The following GCN1 variants were observed in gnomAD, a reference collection of about 807,000 sequenced individuals.
GCN1 encodes the protein GCN1 activator of EIF2AK4.
GCN1 carries 90 observed loss-of-function variants against 288.4 expected under a neutral mutation model. The ratio of observed to expected loss-of-function variants is 0.31; its 90% confidence interval spans 0.26 to 0.37. The LOEUF (loss-of-function observed/expected upper bound fraction) is 0.37. Ranked by LOEUF, GCN1 falls within the 10% of genes least tolerant of loss-of-function variation. GCN1 has a pLI of 1.00. For synonymous variants in GCN1, 1,386 were observed against 1,420.2 expected (o/e 0.98, Z 0.54); for missense variants, 2,586 against 3,419.9 (o/e 0.76, Z 6.08).
intron 2 of GCN1, among the ~76,000 whole-genome samples, chr12:120,189,132 C>T (rs998668590): frequency 6.6e-6 from 1 of 151,962 alleles, no homozygotes; most frequent in Non-Finnish European, 1.5e-5. Context: ...TGCAGTAGCA[C>T]GATCTCAGCT....
intron 14 of GCN1, 21 bp downstream of exon 14, chr12:120,173,632 T>C (rs752699788): frequency 2.0e-6 from 3 of 1,500,086 alleles, no homozygotes; most frequent in Non-Finnish European, 1.9e-6. Flanking sequence ...ACCTGGACAC[T>C]AGCCCTGGGA....
intron 22 of GCN1, 87 bp downstream of exon 22, chr12:120,161,403 G>T: frequency 2.5e-6 from 2 of 814,420 alleles, no homozygotes; most frequent in South Asian, 2.9e-5. Flanking sequence ...TGTTCCAAGT[G>T]AACAGCATAT....
rs1001546836 is a variant in GCN1 at position 120,137,140 on chromosome 12, G to A, written c.6777+66C>T. 1.0e-4 allele frequency: 118 copies of A among 1,169,710 alleles called. 1 individual carries two copies. The highest frequency in any genetic ancestry group is 5.5e-4 in the South Asian group (45 of 81,768). The allele number at this position is 1,169,710 out of a possible 1,614,324, so 72.5% of individuals were successfully genotyped here. On this transcript the variant is annotated intron_variant, in intron 50 of 57. Transcript: ENST00000300648. The surrounding 1 kb of genome is among the most constrained non-coding windows in gnomAD (Gnocchi z 5.2). The stretch of plus-strand genomic sequence containing the variant: ...AGCCCCTACCGCAGACCTGGGACAG[G>A]GGTAAGGGCCAGAAGGGCACAACAG...
intron 35 of GCN1, 67 bp downstream of exon 35, chr12:120,149,855 C>A: frequency 6.3e-7 from 1 of 1,598,072 alleles, no homozygotes. Flanking sequence ...CCAAGGCCTG[C>A]AGACACAGCT....
Position 120,142,702 on chromosome 12 carries a change from C to T in GCN1, c.5634G>A (p.Gly1878=). The change falls in exon 44 of 58, where the codon GGG becomes GGA. Residue 1878 remains glycine (G), a synonymous_variant. Transcript: ENST00000300648. The surrounding 1 kb of genome is among the most constrained non-coding windows in gnomAD (Gnocchi z 4.9). Reference sequence around the variant, plus strand: ...CCAACACCCGGTTCCGCCGCTCTACCCCCAGGGCAGTGATGATCGCCTGCA... The same window carrying T: ...CCAACACCCGGTTCCGCCGCTCTACTCCCAGGGCAGTGATGATCGCCTGCA... The part of the protein sequence containing the change: ...QSNKAIITAL[G]VERRNRVLAG... The T allele has an allele frequency of 6.2e-7, 1 of 1,614,130 alleles. No individual in the cohort carries two copies. Among genetic ancestry groups the T allele is most frequent in the African/African-American group, 1.3e-5 (1 of 75,056 alleles).
chr12:120,153,175 C>T lies in GCN1; in HGVS notation c.4062+38G>A. 1 of 1,587,524 alleles carries T rather than the reference C, an allele frequency of 6.3e-7. No homozygotes were observed. The highest frequency in any genetic ancestry group is 8.6e-7 in the Non-Finnish European group (1 of 1,157,306). On this transcript the variant is annotated intron_variant, in intron 33 of 57. Coordinates refer to ENST00000300648, the MANE Select transcript of GCN1 (RefSeq NM_006836.2). This position sits in a 1 kb window ranked among gnomAD's most constrained non-coding sequence, Gnocchi z 4.4. ...CTAACCACAGCCGGGTCCCAATTCTCTAACCGACATGTGGGTCCCAGGCCA... is the reference window on the plus strand; with the variant it reads ...CTAACCACAGCCGGGTCCCAATTCTTTAACCGACATGTGGGTCCCAGGCCA...
At chr12:120,178,347 G>A (rs1878543311) in intron 7 of GCN1, among the ~76,000 whole-genome samples, 1 of 152,208 alleles carries the variant, frequency 6.6e-6, no homozygotes, top group African/African-American at 2.4e-5. Context: ...ACCGAGCACA[G>A]TGCCTAGAAC....
rs940566386 is a variant in GCN1 at position 120,134,036 on chromosome 12, C to A, written c.7317+255G>T. 2.0e-5 allele frequency among the ~76,000 whole-genome samples: 3 copies of A among 152,156 alleles called. No individual in the cohort carries two copies. The highest frequency in any genetic ancestry group is 3.8e-4 in the East Asian group (2 of 5,196). The stretch of plus-strand genomic sequence containing the variant: ...GAGCCGAGATTGTGCCACTTCACTC[C>A]GGCCTGGGTGACACAGCAAGACTCA... On this transcript the variant is annotated intron_variant, in intron 53 of 57. Coordinates refer to ENST00000300648, the MANE Select transcript of GCN1 (RefSeq NM_006836.2). This position sits in a 1 kb window ranked among gnomAD's most constrained non-coding sequence, Gnocchi z 5.0.
intron 22 of GCN1, 96 bp from the exon 23 acceptor site, chr12:120,160,351 C>T: frequency 1.2e-6 from 1 of 828,062 alleles, no homozygotes; most frequent in Non-Finnish European, 2.0e-6. Flanking sequence ...CAAACAGCAC[C>T]ATACCAGCTC....
At chr12:120,157,718 A>G in intron 26 of GCN1, 131 bp downstream of exon 26, 1 of 727,852 alleles carries the variant, frequency 1.4e-6, no homozygotes. Flanking sequence ...ACACTGTGTG[A>G]GGCTGCTGTT....
rs1312234041 is a variant in GCN1, at chr12:120,157,954, G to C, written c.2982C>G (p.His994Gln). ...FLKMVLTEMPHHSEEEEEWMA... is the reference protein window; with the variant it reads ...FLKMVLTEMPQHSEEEEEWMA... ...TCCACTCCTCCTCCTCCTCACTGTG[G>C]TGGGGCATCTCCGTCAGCACCATCT... The change falls in exon 26 of 58, where the codon CAC (histidine) becomes CAG (glutamine). Residue 994 changes from histidine to glutamine, a missense_variant. By Grantham distance (24) the His-to-Gln change is conservative (BLOSUM62 0). Coordinates refer to ENST00000300648, the MANE Select transcript of GCN1 (RefSeq NM_006836.2). 3 of 1,614,016 alleles carry C rather than the reference G, an allele frequency of 1.9e-6. No homozygotes were observed. The highest frequency in any genetic ancestry group is 2.5e-6 in the Non-Finnish European group (3 of 1,179,994).
intron 1 of GCN1, among the ~76,000 whole-genome samples, chr12:120,191,442 T>C (rs1879000420): frequency 6.6e-6 from 1 of 152,178 alleles, no homozygotes; most frequent in African/African-American, 2.4e-5. Flanking sequence ...AGTGGACAGG[T>C]TGTGGATTCA....
chr12:120,164,691 C>T lies in GCN1; in HGVS notation c.1643G>A (p.Arg548Lys), dbSNP rs371151628. ...TCTATGCGGGTGGTCAAGGAAAAGTCTCTCTGTCAGATGCAACACAGTACA... is the reference window on the plus strand; with the variant it reads ...TCTATGCGGGTGGTCAAGGAAAAGTTTCTCTGTCAGATGCAACACAGTACA... ...ALCTVLHLTE[R>K]LFLDHPHRLT... The change falls in exon 17 of 58, where the codon AGA becomes AAA. Residue 548 changes from arginine to lysine, a missense_variant. Arg to Lys is a conservative substitution (Grantham distance 26). Coordinates refer to ENST00000300648, the MANE Select transcript of GCN1 (RefSeq NM_006836.2). 6.2e-7 allele frequency: 1 copy of T among 1,613,532 alleles called. No homozygotes were observed.
intron 16 of GCN1, 70 bp downstream of exon 16, chr12:120,168,138 G>A (rs766206744): frequency 2.1e-6 from 2 of 948,234 alleles, no homozygotes; most frequent in Non-Finnish European, 3.5e-6. Context: ...TCAAGAAAGG[G>A]TCCTCTCTGA....
Position 120,144,441 on chromosome 12 carries a change from G to A in GCN1, c.5360C>T (p.Ala1787Val). The A allele has an allele frequency of 6.2e-7, 1 of 1,613,014 alleles. No homozygotes were observed. The highest frequency in any genetic ancestry group is 8.5e-7 in the Non-Finnish European group (1 of 1,179,242). Residue 1787 changes from alanine to valine, a missense_variant, in exon 42 of 58, where the codon GCT becomes GTT. Transcript: ENST00000300648. The surrounding 1 kb of genome is among the most constrained non-coding windows in gnomAD (Gnocchi z 4.7). ...GTCACGCACAAACTCATTCTCATCA[G>A]CAAGAGCCTGGGCACACAGAGGGTG... is the stretch of plus-strand genomic sequence containing the variant. ...PIIPCILKAL[A>V]DENEFVRDTA... is the part of the protein sequence containing the mutation.
intron 26 of GCN1, 123 bp downstream of exon 26, chr12:120,157,726 G>C: frequency 1.3e-6 from 1 of 779,374 alleles, no homozygotes; most frequent in Admixed American, 2.9e-5. Flanking sequence ...TGAGGCTGCT[G>C]TTGGTATAAA....
intron 1 of GCN1, among the ~76,000 whole-genome samples, chr12:120,190,745 A>C (rs1878978416): frequency 6.6e-6 from 1 of 152,196 alleles, no homozygotes; most frequent in Non-Finnish European, 1.5e-5. Context: ...TTTGGCAATA[A>C]GAGGAAAGGC....
Position 120,134,756 on chromosome 12 carries a change from C to G in GCN1, c.7009-30G>C. On this transcript the variant is annotated intron_variant, in intron 51 of 57. Transcript: ENST00000300648. This position sits in a 1 kb window ranked among gnomAD's most constrained non-coding sequence, Gnocchi z 5.0. The stretch of plus-strand genomic sequence containing the variant: ...GGGAGGAACCCACATCCATGAAAGA[C>G]AGTTGTGGTAGACCCAAAGCCACAG... 2 of 1,597,830 alleles carry G rather than the reference C, an allele frequency of 1.3e-6. No homozygotes were observed. Among genetic ancestry groups the G allele is most frequent in the South Asian group, 2.2e-5 (2 of 90,604 alleles).
chr12:120,157,722 T>C, intron 26 of GCN1, 127 bp downstream of exon 26: 1 of 750,376 alleles, frequency 1.3e-6, no homozygotes, highest in South Asian at 2.1e-5. Context: ...TGTGTGAGGC[T>C]GCTGTTGGTA....
Sources: allele counts gnomAD v4.1 joint callset (sites outside exome capture counted in the v4.1 genomes callset), GRCh38; gene constraint gnomAD v4.1.1; non-coding constraint Gnocchi (gnomAD v3.1); transcripts MANE v1.5; gene names NCBI Gene and HGNC (gene_info 2026-07-23, HGNC 2026-07-21).